The following GPM6A variants were observed in gnomAD, a reference collection of about 807,000 sequenced individuals.
The protein encoded by GPM6A is glycoprotein M6A.
In GPM6A, 7 loss-of-function variants were observed where a neutral mutation model predicts 32.1. That is an observed-to-expected ratio of 0.22 (90% CI 0.12 to 0.41). The LOEUF (loss-of-function observed/expected upper bound fraction) is 0.41, where lower values mean the gene tolerates loss of function less well. Ranked by LOEUF, GPM6A falls within the 10% of genes least tolerant of loss-of-function variation. GPM6A has a pLI of 1.00. For missense variants in GPM6A, 235 were observed against 347.2 expected (o/e 0.68, Z 2.57); for synonymous variants, 130 against 123.4 (o/e 1.05, Z -0.35).
chr4:175,671,368 C>T (rs1743051553), intron 3 of GPM6A, among the ~76,000 whole-genome samples: 1 of 147,742 alleles, frequency 6.8e-6, no homozygotes, highest in Non-Finnish European at 1.5e-5. Flanking sequence ...CGATATAGTA[C>T]CTTCAAAAGC....
chr4:175,696,810 G>A (rs537512839), intron 2 of GPM6A, among the ~76,000 whole-genome samples: 80 of 152,214 alleles, frequency 5.3e-4, no homozygotes, highest in African/African-American at 1.9e-3. Context: ...CATCCATTAA[G>A]CTGCTAACAA....
chr4:175,970,847 C>A, intron 1 of GPM6A: 1 of 455,020 alleles, frequency 2.2e-6, no homozygotes, highest in Non-Finnish European at 4.4e-6. Flanking sequence ...AAGAAATCTT[C>A]CGATTGTTAG....
intron 1 of GPM6A, among the ~76,000 whole-genome samples, chr4:175,854,513 A>T (rs945269732): frequency 2.0e-5 from 3 of 152,212 alleles, no homozygotes; most frequent in Admixed American, 2.0e-4. Flanking sequence ...AACAAAATGT[A>T]TGAAACAATT....
At chr4:175,773,727 C>T (rs534172868) in intron 1 of GPM6A, among the ~76,000 whole-genome samples, 3 of 152,198 alleles carry the variant, frequency 2.0e-5, no homozygotes, top group East Asian at 3.9e-4. Context: ...AACCTGTATA[C>T]CTCAGAGTCC....
intron 1 of GPM6A, among the ~76,000 whole-genome samples, chr4:175,988,603 C>T (rs955771010): frequency 9.2e-5 from 14 of 152,150 alleles, no homozygotes; most frequent in Admixed American, 5.9e-4. Context: ...AAGGAACTGG[C>T]TATTTCAGTC....
intron 1 of GPM6A, among the ~76,000 whole-genome samples, chr4:176,001,014 A>T (rs76386124): frequency 0.047 from 7,094 of 152,316 alleles, 240 homozygotes; most frequent in Non-Finnish European, 0.066. Context: ...CCAGGGGTCA[A>T]GCAAGAAGAG....
At chr4:175,712,333 C>A (rs992500131) in intron 1 of GPM6A, among the ~76,000 whole-genome samples, 6 of 152,214 alleles carry the variant, frequency 3.9e-5, no homozygotes, top group African/African-American at 1.4e-4. Context: ...TGCGGCCACA[C>A]TATGGCAGAG....
intron 1 of GPM6A, among the ~76,000 whole-genome samples, chr4:175,932,819 C>CTAAAAA (rs1194502376): frequency 1.3e-5 from 2 of 151,466 alleles, no homozygotes; most frequent in African/African-American, 4.9e-5. Flanking sequence ...AAAACTAAAA[C>CTAAAAA]TAAAAATAAA....
intron 1 of GPM6A, among the ~76,000 whole-genome samples, chr4:175,865,059 C>T (rs1033790935): frequency 6.6e-6 from 1 of 152,198 alleles, no homozygotes; most frequent in South Asian, 2.1e-4. Context: ...GAGCCACCTG[C>T]CTCGGCCTCC....
At chr4:175,814,722 G>A (rs1379410693), upstream of GPM6A, among the ~76,000 whole-genome samples, 4 of 152,114 alleles carry the variant, frequency 2.6e-5, no homozygotes, top group Admixed American at 6.5e-5. Context: ...AAATGGACTC[G>A]TCAAATGAAT....
chr4:175,953,131 GC>G (rs1461964025), intron 1 of GPM6A, among the ~76,000 whole-genome samples: 1 of 151,250 alleles, frequency 6.6e-6, no homozygotes, highest in Non-Finnish European at 1.5e-5. Flanking sequence ...CAAGAATAGA[GC>G]ATGCATGCAT....
intron 1 of GPM6A, among the ~76,000 whole-genome samples, chr4:175,741,240 G>C (rs1006424301): frequency 1.7e-4 from 26 of 151,962 alleles, no homozygotes; most frequent in African/African-American, 6.3e-4. Context: ...TTTTCTCTCT[G>C]TATCTTTCCC....
chr4:175,787,605 C>T (rs1464784163), intron 1 of GPM6A: 1 of 1,345,328 alleles, frequency 7.4e-7, no homozygotes. Context: ...GCTTTTTTCC[C>T]CAAATCACAA....
intron 1 of GPM6A, among the ~76,000 whole-genome samples, chr4:175,922,894 T>A (rs954729263): frequency 6.6e-6 from 1 of 152,124 alleles, no homozygotes; most frequent in African/African-American, 2.4e-5. Flanking sequence ...CATTAACTGA[T>A]GAAAAGAGAT....
chr4:175,700,064 T>C (rs1018280801), intron 2 of GPM6A, among the ~76,000 whole-genome samples: 2 of 151,906 alleles, frequency 1.3e-5, no homozygotes, highest in African/African-American at 4.8e-5. Context: ...GATTTCACCA[T>C]GTTGCTTAGG....
At chr4:175,671,534 G>T (rs540038002) in intron 3 of GPM6A, among the ~76,000 whole-genome samples, 7 of 127,628 alleles carry the variant, frequency 5.5e-5, no homozygotes, top group Non-Finnish European at 9.6e-5. Context: ...GAAATAAGTA[G>T]CAGGAGAGGG....
intron 1 of GPM6A, among the ~76,000 whole-genome samples, chr4:175,733,759 T>C (rs1362019356): frequency 1.3e-5 from 2 of 152,238 alleles, no homozygotes; most frequent in Non-Finnish European, 2.9e-5. Context: ...AAAACAATCC[T>C]GTTTTCAAGC....
At chr4:175,711,467 T>C (rs866599631) in intron 1 of GPM6A, among the ~76,000 whole-genome samples, 4,196 of 121,580 alleles carry the variant, frequency 0.035, 167 homozygotes, top group Non-Finnish European at 0.052. Flanking sequence ...TACACACACA[T>C]ACATACATGT....
intron 1 of GPM6A, among the ~76,000 whole-genome samples, chr4:175,707,869 C>T (rs760704559): frequency 1.3e-5 from 2 of 151,898 alleles, no homozygotes; most frequent in South Asian, 4.2e-4. Flanking sequence ...CATATGCTTC[C>T]CATCTGGTAA....
Sources: allele counts gnomAD v4.1 joint callset (sites outside exome capture counted in the v4.1 genomes callset), GRCh38; gene constraint gnomAD v4.1.1; transcripts MANE v1.5; gene names NCBI Gene and HGNC (gene_info 2026-07-23, HGNC 2026-07-21).